The following NEB variants were observed in gnomAD, a reference collection of about 807,000 sequenced individuals.
The protein encoded by NEB is nemaline myopathy type 2.
In NEB, 512 loss-of-function variants were observed where a neutral mutation model predicts 952.2. The ratio of observed to expected loss-of-function variants is 0.54; its 90% CI spans 0.50 to 0.58. NEB has a LOEUF of 0.58. Among genes scored for constraint, NEB ranks in the 20% least tolerant of loss-of-function variants. NEB has a pLI of 0.00. For missense variants in NEB, 8,428 were observed against 9,231.1 expected (o/e 0.91, Z 3.56); for synonymous variants, 2,900 against 3,149.8 (o/e 0.92, Z 2.66).
Position 151,529,237 on chromosome 2 carries a change from G to A in NEB, c.21708C>T (p.Ala7236=). 1 of 1,613,016 alleles carries A rather than the reference G, an allele frequency of 6.2e-7. No individual in the cohort carries two copies. The highest frequency in any genetic ancestry group is 1.7e-4 in the Middle Eastern group (1 of 6,060). ...IEPDAVHIKA[A]KDAYKVNTNL... Reference sequence around the variant, plus strand: ...TGGTGTTGACTTTGTAGGCGTCCTTGGCTGCTTTGATATGAACAGCATCTG... The same window carrying A: ...TGGTGTTGACTTTGTAGGCGTCCTTAGCTGCTTTGATATGAACAGCATCTG... Residue 7236 remains alanine, a synonymous_variant, in exon 146 of 182, where the codon GCC becomes GCT. Coordinates refer to ENST00000397345, the MANE Select transcript of NEB (RefSeq NM_001164508.2).
At chr2:151,578,222 G>A (rs1046169873) in intron 105 of NEB, among the ~76,000 whole-genome samples, 22 of 151,700 alleles carry the variant, frequency 1.5e-4, no homozygotes, top group Non-Finnish European at 2.7e-4. Flanking sequence ...CGGAAAATAC[G>A]AGTAAATCTA....
At chr2:151,677,528 T>C (rs2099377789) in intron 34 of NEB, 37 bp downstream of exon 34, 1 of 1,502,706 alleles carries the variant, frequency 6.7e-7, no homozygotes, top group African/African-American at 1.4e-5. Flanking sequence ...AAAAGCTTCC[T>C]CCATATCCTC....
At chr2:151,708,669 C>T (rs191833711) in intron 12 of NEB, among the ~76,000 whole-genome samples, 1 of 152,184 alleles carries the variant, frequency 6.6e-6, no homozygotes, top group Non-Finnish European at 1.5e-5. Context: ...CCTGAAACTT[C>T]AGGCTCATGT....
chr2:151,625,347 TA>T (rs1475235772), intron 71 of NEB, among the ~76,000 whole-genome samples, 186 bp downstream of exon 71: 14 of 152,180 alleles, frequency 9.2e-5, no homozygotes, highest in East Asian at 5.8e-4. Context: ...TCTGTCTGTC[TA>T]ATCTATCTAC....
chr2:151,640,225 C>G, intron 61 of NEB, 130 bp downstream of exon 61: 2 of 1,480,832 alleles, frequency 1.4e-6, no homozygotes, highest in Non-Finnish European at 1.8e-6. Flanking sequence ...GATTAAAATT[C>G]CTGTCGATAA....
rs1232744915 is a variant in NEB at position 151,512,800 on chromosome 2, T to C, written c.23279A>G (p.Asn7760Ser). ...YKQSAEMEKA[N>S]FTSVVDTPEI... is the part of the protein sequence containing the mutation. ...TGGAGTATCAACCACAGAAGTGAAA[T>C]TGGCTTTCTCCATTTCTGCTGATTG... Residue 7760 changes from asparagine (N) to serine (S), a missense_variant, in exon 161 of 182, where the codon AAT (asparagine) becomes AGT (serine). Transcript: ENST00000397345. 2 of 1,613,636 alleles carry C rather than the reference T, an allele frequency of 1.2e-6. No individual in the cohort carries two copies. The highest frequency in any genetic ancestry group is 1.7e-6 in the Non-Finnish European group (2 of 1,179,784).
chr2:151,505,467 A>G lies in NEB; in HGVS notation c.23742+11T>C, dbSNP rs374368246. 31 of 1,609,822 alleles carry G rather than the reference A, an allele frequency of 1.9e-5. No homozygotes were observed. In the African/African-American group the frequency reaches 3.6e-4, roughly 19 times the overall value. ...AGTCACACAAATGGAAGCTGAGAGT[A>G]TGGCCACTACCGAGCTAATGTGCTT... On this transcript the variant is annotated intron_variant, in intron 165 of 181. Coordinates refer to ENST00000397345, the MANE Select transcript of NEB (RefSeq NM_001164508.2).
intron 153 of NEB, among the ~76,000 whole-genome samples, chr2:151,523,654 C>T (rs1414875344): frequency 6.6e-6 from 1 of 152,134 alleles, no homozygotes; most frequent in Non-Finnish European, 1.5e-5. Flanking sequence ...ATTGGCCTAA[C>T]AAGGGAAAAT....
chr2:151,606,420 T>C (rs1416599651), intron 84 of NEB, among the ~76,000 whole-genome samples, 186 bp downstream of exon 84: 1 of 94,462 alleles, frequency 1.1e-5, no homozygotes, highest in African/African-American at 2.8e-5. Context: ...TTTACACATA[T>C]ACCTCATCTA....
chr2:151,707,072 T>G, intron 12 of NEB, 75 bp from the exon 13 acceptor site: 1 of 872,180 alleles, frequency 1.1e-6, no homozygotes, highest in Non-Finnish European at 1.8e-6. Flanking sequence ...GAATATGACA[T>G]ACTTCCACAA....
chr2:151,548,980 C>A (rs2095047907), intron 130 of NEB, among the ~76,000 whole-genome samples: 1 of 152,160 alleles, frequency 6.6e-6, no homozygotes, highest in South Asian at 2.1e-4. Context: ...GCAGGCCAGA[C>A]TTACTGGGAT....
rs1263870106 is a variant in NEB at position 151,489,903 on chromosome 2, C to T, written c.25404+68G>A. On this transcript the variant is annotated intron_variant, in intron 181 of 181. Coordinates refer to ENST00000397345, the MANE Select transcript of NEB (RefSeq NM_001164508.2). ...TTAAAAAAAACCGTAATACCTAATA[C>T]TTATAATCATGTTTGCACATATCAA... The T allele has an allele frequency of 5.6e-6, 7 of 1,249,044 alleles. No homozygotes were observed. In the African/African-American group the frequency reaches 1.0e-4, roughly 18 times the overall value. The allele number at this position is 1,249,044 out of a possible 1,614,324, so 77.4% of individuals were successfully genotyped here.
rs2099511800 is a variant in NEB at position 151,687,489 on chromosome 2, ATCATTT to A, written c.2561_2566del (p.Lys854_Met855del). ...ATCGTCATTAATGCTGAGGGCTCCA[ATCATTT>A]TCCCTTTGCTCTTTTCATAGTCTTT... On this transcript the variant is annotated inframe_deletion, in exon 27 of 182. Coordinates refer to ENST00000397345, the MANE Select transcript of NEB (RefSeq NM_001164508.2). 1 of 1,613,900 alleles carries A rather than the reference ATCATTT, an allele frequency of 6.2e-7. No homozygotes were observed. Among genetic ancestry groups the A allele is most frequent in the South Asian group, 1.1e-5 (1 of 91,088 alleles).
Position 151,727,822 on chromosome 2 carries a change from G to T in NEB, c.163C>A (p.Pro55Thr). 1 of 1,613,644 alleles carries T rather than the reference G, an allele frequency of 6.2e-7. No individual in the cohort carries two copies. The highest frequency in any genetic ancestry group is 8.5e-7 in the Non-Finnish European group (1 of 1,179,740). ...GCTGATGCTGGCTGTGCCAGTGCTG[G>T]CTGTGCCAGAGCTGGTTTGGAAGTT... Reference protein sequence around the residue: ...SETSKPALAQPALAQPASAKP... With the variant: ...SETSKPALAQTALAQPASAKP... Residue 55 changes from proline (P) to threonine (T), a missense_variant, in exon 5 of 182, where the codon CCA becomes ACA. Pro to Thr is a conservative substitution (Grantham distance 38, BLOSUM62 -1). Coordinates refer to ENST00000397345, the MANE Select transcript of NEB (RefSeq NM_001164508.2).
rs778953378 is a variant in NEB, at chr2:151,518,356, G to A, written c.22762C>T (p.Gln7588Ter). 2 of 1,611,748 alleles carry A rather than the reference G, an allele frequency of 1.2e-6. No homozygotes were observed. Residue 7588 changes from glutamine to a stop codon, truncating the protein, a stop_gained, in exon 156 of 182, where the codon CAG becomes TAG. Coordinates refer to ENST00000397345, the MANE Select transcript of NEB (RefSeq NM_001164508.2). LOFTEE classifies it high-confidence loss of function. ...HYHTIPDNLE[Q>*]LHLKEATELQ... ...TCTGTGGCCTCTTTTAGGTGAAGCTGCTCCAGATTATCGGGTATGGTGTGG... is the reference window on the plus strand; with the variant it reads ...TCTGTGGCCTCTTTTAGGTGAAGCTACTCCAGATTATCGGGTATGGTGTGG...
At chr2:151,558,379 T>A (rs2095803127) in intron 124 of NEB, among the ~76,000 whole-genome samples, 1 of 152,076 alleles carries the variant, frequency 6.6e-6, no homozygotes, top group Non-Finnish European at 1.5e-5. Flanking sequence ...CACGAACAAA[T>A]GGAAAAACAT....
chr2:151,485,771 C>T lies in NEB; in HGVS notation c.25567G>A (p.Glu8523Lys). The T allele has an allele frequency of 1.9e-6, 3 of 1,610,292 alleles. No homozygotes were observed. Among genetic ancestry groups the T allele is most frequent in the Non-Finnish European group, 2.5e-6 (3 of 1,177,088 alleles). Reference protein sequence around the residue: ...RTGMLPANYVEAI With the variant: ...RTGMLPANYVKAI The stretch of plus-strand genomic sequence containing the variant: ...ATGCTTTGAAATGCCTAAATAGCTT[C>T]AACGTAGTTGGCTGGGAGCATTCCG... The change falls in exon 182 of 182, where the codon GAA (glutamate) becomes AAA (lysine). Residue 8523 changes from glutamate (E) to lysine (K), a missense_variant. Glu to Lys is a moderately conservative substitution (Grantham distance 56). Coordinates refer to ENST00000397345, the MANE Select transcript of NEB (RefSeq NM_001164508.2).
chr2:151,530,485 G>C (rs1192869231), intron 145 of NEB, among the ~76,000 whole-genome samples: 2 of 152,202 alleles, frequency 1.3e-5, no homozygotes, highest in Non-Finnish European at 2.9e-5. Flanking sequence ...CCATAGTGGG[G>C]TTTACTAAAC....
At chr2:151,530,844 G>A (rs530329582) in intron 145 of NEB, 150 bp downstream of exon 145, 37 of 587,348 alleles carry the variant, frequency 6.3e-5, no homozygotes, top group African/African-American at 3.5e-4. Flanking sequence ...TCAACTTACC[G>A]AATCATGAGC....
Sources: gnomAD v4.1 joint callset for allele counts (sites outside exome capture counted in the v4.1 genomes callset) on GRCh38, gnomAD v4.1.1 for gene constraint, MANE v1.5 for transcripts, NCBI Gene and HGNC (gene_info 2026-07-23, HGNC 2026-07-21) for gene names.